The following GPR152 variants were observed in gnomAD, a reference collection of about 807,000 sequenced individuals.
The protein encoded by GPR152 is probable G protein-coupled receptor 152.
For synonymous variants in GPR152, 278 were observed against 289.0 expected (o/e 0.96, Z 0.39); for missense variants, 549 against 617.2 (o/e 0.89, Z 1.17).
Position 67,451,710 on chromosome 11 carries a change from G to A in GPR152, c.1015C>T (p.Pro339Ser). The change falls in exon 1 of 1, where the codon CCA becomes TCA. Residue 339 changes from proline (P) to serine (S), a missense_variant. Transcript: ENST00000312457. ...TCTGCCATCGGCTCTGGCAGAGTTGGACCCTCAGAATCTAGCTGGGTCTGT... is the reference window on the plus strand; with the variant it reads ...TCTGCCATCGGCTCTGGCAGAGTTGAACCCTCAGAATCTAGCTGGGTCTGT... ...EPQTQLDSEG[P>S]TLPEPMAEAQ... The A allele has an allele frequency of 6.2e-7, 1 of 1,613,826 alleles. No individual in the cohort carries two copies. Among genetic ancestry groups the A allele is most frequent in the Non-Finnish European group, 8.5e-7 (1 of 1,180,024 alleles).
In GPR152 at chr11:67,452,687, C is replaced by T; in HGVS notation, c.38G>A (p.Gly13Asp). 1 of 1,590,552 alleles carries T rather than the reference C, an allele frequency of 6.3e-7. No homozygotes were observed. Among genetic ancestry groups the T allele is most frequent in the Non-Finnish European group, 8.6e-7 (1 of 1,165,338 alleles). ...TTMEADLGAT[G>D]HRPRTELDDE... ...ATCAAGCTCTGTGCGGGGCCTGTGG[C>T]CAGTGGCACCCAGGTCAGCTTCCAT... is the stretch of plus-strand genomic sequence containing the variant. Residue 13 changes from glycine (G) to aspartate (D), a missense_variant, in exon 1 of 1, where the codon GGC becomes GAC. Coordinates refer to ENST00000312457, the MANE Select transcript of GPR152 (RefSeq NM_206997.1).
rs368998457 is a variant in GPR152, at chr11:67,452,205, C to A, written c.520G>T (p.Val174Phe). The A allele has an allele frequency of 6.2e-7, 1 of 1,608,348 alleles. No homozygotes were observed. Among genetic ancestry groups the A allele is most frequent in the South Asian group, 1.1e-5 (1 of 91,086 alleles). Residue 174 changes from valine (V) to phenylalanine (F), a missense_variant, in exon 1 of 1, where the codon GTC becomes TTC. Val to Phe is a conservative substitution (Grantham distance 50, BLOSUM62 -1). Transcript: ENST00000312457. ...VPWLVFPEAAVWWYDLVICLD... is the reference protein window; with the variant it reads ...VPWLVFPEAAFWWYDLVICLD... ...CAGATGACCAGGTCGTACCACCAGA[C>A]GGCAGCCTCGGGGAAGACCAGCCAG...
Position 67,451,419 on chromosome 11 carries a change from G to T in GPR152, c.1306C>A (p.His436Asn). ...CDEASPTPSS[H>N]PTPGALEDPA... ...TCCTCAAGGGCCCCTGGGGTAGGAT[G>T]CGAGGATGGGGTTGGGGAAGCTTCA... Residue 436 changes from histidine to asparagine, a missense_variant, in exon 1 of 1, where the codon CAT (histidine) becomes AAT (asparagine). Physicochemically the swap from His to Asn is moderately conservative, Grantham distance 68 (BLOSUM62 1). Coordinates refer to ENST00000312457, the MANE Select transcript of GPR152 (RefSeq NM_206997.1). The T allele has an allele frequency of 4.3e-6, 7 of 1,613,884 alleles. No homozygotes were observed. Among genetic ancestry groups the T allele is most frequent in the Non-Finnish European group, 5.1e-6 (6 of 1,179,902 alleles).
In GPR152 at chr11:67,452,036, G is replaced by T. The variant is rs771408908; in HGVS notation, c.689C>A (p.Ala230Glu). ...CRTCHRQQQP[A>E]ACRGFARVAR... ...CACACGGGCGAAGCCCCGGCAGGCT[G>T]CGGGCTGCTGTTGGCGGTGGCAGGT... The change falls in exon 1 of 1, where the codon GCA becomes GAA. Residue 230 changes from alanine (A) to glutamate (E), a missense_variant. Physicochemically the swap from Ala to Glu is moderately radical, Grantham distance 107. Coordinates refer to ENST00000312457, the MANE Select transcript of GPR152 (RefSeq NM_206997.1). 151 of 1,612,222 alleles carry T rather than the reference G, an allele frequency of 9.4e-5. 1 individual carries two copies. Among genetic ancestry groups the T allele is most frequent in the Admixed American group, 6.7e-5 (4 of 59,994 alleles).
At position 67,451,870 on chromosome 11, in the gene GPR152, T is replaced by G. The variant is rs749886072; in HGVS notation, c.855A>C (p.Leu285=). Residue 285 remains leucine (L), a synonymous_variant, in exon 1 of 1, where the codon CTA becomes CTC. Coordinates refer to ENST00000312457, the MANE Select transcript of GPR152 (RefSeq NM_206997.1). The stretch of plus-strand genomic sequence containing the variant: ...GGAAGGGGCTGAGGCAGCTGTTGAG[T>G]AGGATCAGGTAGTCGGAGTAGACCA... The part of the protein sequence containing the change: ...EALVYSDYLI[L]LNSCLSPFLC... 8 of 1,612,380 alleles carry G rather than the reference T, an allele frequency of 5.0e-6. No homozygotes were observed. In the Admixed American group the frequency reaches 1.2e-4, roughly 24 times the overall value.
At position 67,452,435 on chromosome 11, in the gene GPR152, C is replaced by T. The variant is rs533858336; in HGVS notation, c.290G>A (p.Trp97Ter). 1.2e-6 allele frequency: 2 copies of T among 1,612,670 alleles called. No homozygotes were observed. Among genetic ancestry groups the T allele is most frequent in the Admixed American group, 1.7e-5 (1 of 59,978 alleles). ...GCGGCAGGCAGCTGTCCCCAGCGGC[C>T]AGTGTCCCCCATGCCGGATCTCTAG... ...QILEIRHGGHWPLGTAACRFY... is the reference protein window; with the variant it reads ...QILEIRHGGH Residue 97 changes from tryptophan (W) to a stop codon, truncating the protein, a stop_gained, in exon 1 of 1, where the codon TGG (tryptophan) becomes TAG (stop). Coordinates refer to ENST00000312457, the MANE Select transcript of GPR152 (RefSeq NM_206997.1). LOFTEE classifies it low-confidence loss of function (END_TRUNC).
Position 67,451,949 on chromosome 11 carries a change from A to G in GPR152, c.776T>C (p.Leu259Pro). 1.2e-6 allele frequency: 2 copies of G among 1,610,462 alleles called. No homozygotes were observed. Among genetic ancestry groups the G allele is most frequent in the Non-Finnish European group, 1.7e-6 (2 of 1,179,992 alleles). The change falls in exon 1 of 1, where the codon CTC becomes CCC. Residue 259 changes from leucine (L) to proline (P), a missense_variant. Leu to Pro is a moderately conservative substitution (Grantham distance 98). Transcript: ENST00000312457. ...GACGTCCCACAGGAAGGCCAGGTAGAGCAGCTGGGCCAGCTGGTAGGGCAG... is the reference window on the plus strand; with the variant it reads ...GACGTCCCACAGGAAGGCCAGGTAGGGCAGCTGGGCCAGCTGGTAGGGCAG... ...LRLPYQLAQL[L>P]YLAFLWDVYS...
In GPR152 at chr11:67,451,944, G is replaced by C; in HGVS notation, c.781C>G (p.Leu261Val). 6.2e-7 allele frequency: 1 copy of C among 1,610,394 alleles called. No individual in the cohort carries two copies. ...LPYQLAQLLY[L>V]AFLWDVYSGY... ...GAGTAGACGTCCCACAGGAAGGCCA[G>C]GTAGAGCAGCTGGGCCAGCTGGTAG... is the stretch of plus-strand genomic sequence containing the variant. The change falls in exon 1 of 1, where the codon CTG becomes GTG. Residue 261 changes from leucine to valine, a missense_variant. Coordinates refer to ENST00000312457, the MANE Select transcript of GPR152 (RefSeq NM_206997.1).
In GPR152 at chr11:67,452,015, C is replaced by A; in HGVS notation, c.710G>T (p.Arg237Leu). ...QQPAACRGFA[R>L]VARTILSAYV... ...GGCTGACAGAATGGTCCTGGCCACA[C>A]GGGCGAAGCCCCGGCAGGCTGCGGG... The change falls in exon 1 of 1, where the codon CGT (arginine) becomes CTT (leucine). Residue 237 changes from arginine to leucine, a missense_variant. Arg to Leu is a moderately radical substitution (Grantham distance 102, BLOSUM62 -2). Transcript: ENST00000312457. 6.2e-7 allele frequency: 1 copy of A among 1,611,904 alleles called. No individual in the cohort carries two copies. The highest frequency in any genetic ancestry group is 1.7e-5 in the Admixed American group (1 of 60,022).
At position 67,451,763 on chromosome 11, in the gene GPR152, C is replaced by T. The variant is rs144597079; in HGVS notation, c.962G>A (p.Arg321Gln). The change falls in exon 1 of 1, where the codon CGG (arginine) becomes CAG (glutamine). Residue 321 changes from arginine (R) to glutamine (Q), a missense_variant. By Grantham distance (43) the Arg-to-Gln change is conservative. Transcript: ENST00000312457. Reference sequence around the variant, plus strand: ...CTCAGTGGGCGTGAAGCTGCCCGGCCGCTCCTCGCAGAGAGCTGCCGCGAA... The same window carrying T: ...CTCAGTGGGCGTGAAGCTGCCCGGCTGCTCCTCGCAGAGAGCTGCCGCGAA... ...SSFAAALCEE[R>Q]PGSFTPTEPQ... 2.8e-4 allele frequency: 455 copies of T among 1,613,294 alleles called. 3 individuals carry two copies. Among genetic ancestry groups the T allele is most frequent in the South Asian group, 1.7e-3 (151 of 91,080 alleles).
In GPR152 at chr11:67,452,598, C is replaced by G; in HGVS notation, c.127G>C (p.Gly43Arg). ...GCCATCAACCCATTGGCTGGCAGCC[C>G]AAGGAGCAGCAGGGCCACCAGGAAG... ...TVFLVALLLLGLPANGLMAWL... is the reference protein window; with the variant it reads ...TVFLVALLLLRLPANGLMAWL... Residue 43 changes from glycine to arginine, a missense_variant, in exon 1 of 1, where the codon GGG (glycine) becomes CGG (arginine). Transcript: ENST00000312457. 6.2e-7 allele frequency: 1 copy of G among 1,612,548 alleles called. No homozygotes were observed. The highest frequency in any genetic ancestry group is 8.5e-7 in the Non-Finnish European group (1 of 1,179,528).
Position 67,452,560 on chromosome 11 carries a change from G to C in GPR152, c.165C>G (p.Gly55=). 1 of 1,607,752 alleles carries C rather than the reference G, an allele frequency of 6.2e-7. No individual in the cohort carries two copies. The highest frequency in any genetic ancestry group is 1.1e-5 in the South Asian group (1 of 90,400). ...PANGLMAWLA[G]SQARHGAGTR... is the part of the protein sequence containing the mutation. ...TGCCAGCTCCATGCCGGGCCTGGGA[G>C]CCGGCCAGCCACGCCATCAACCCAT... Residue 55 remains glycine (G), a synonymous_variant, in exon 1 of 1, where the codon GGC becomes GGG. Coordinates refer to ENST00000312457, the MANE Select transcript of GPR152 (RefSeq NM_206997.1).
rs1273251291 is a variant in GPR152, at chr11:67,452,096, A to G, written c.629T>C (p.Val210Ala). ...GGFLPFLLLL[V>A]CHVLTQATAC... ...TGTGGCCTGGGTGAGCACGTGGCAG[A>G]CGAGCAGCAGGAGGAAAGGCAGGAA... Residue 210 changes from valine (V) to alanine (A), a missense_variant, in exon 1 of 1, where the codon GTC (valine) becomes GCC (alanine). Val to Ala is a moderately conservative substitution (Grantham distance 64). Transcript: ENST00000312457. 4 of 1,611,922 alleles carry G rather than the reference A, an allele frequency of 2.5e-6. No homozygotes were observed. Among genetic ancestry groups the G allele is most frequent in the Non-Finnish European group, 3.4e-6 (4 of 1,179,832 alleles).
rs149449299 is a variant in GPR152 at position 67,451,337 on chromosome 11, G to A, written c.1388C>T (p.Ala463Val). 290 of 1,586,772 alleles carry A rather than the reference G, an allele frequency of 1.8e-4. No homozygotes were observed. In the African/African-American group the frequency reaches 3.3e-3, roughly 18 times the overall value. ...TCACGTGGGGCCTGCGCCCGGGGCC[G>A]CCTCTGGCGGGGTGCTGCTGGGGCT... ...GESPSSTPPEAAPGAGPT is the reference protein window; with the variant it reads ...GESPSSTPPEVAPGAGPT The change falls in exon 1 of 1, where the codon GCG becomes GTG. Residue 463 changes from alanine to valine, a missense_variant. Transcript: ENST00000312457.
Position 67,452,274 on chromosome 11 carries a change from C to T in GPR152, c.451G>A (p.Val151Ile), listed in dbSNP as rs371602409. 6.2e-7 allele frequency: 1 copy of T among 1,611,230 alleles called. No individual in the cohort carries two copies. Among genetic ancestry groups the T allele is most frequent in the African/African-American group, 1.3e-5 (1 of 74,934 alleles). The change falls in exon 1 of 1, where the codon GTC (valine) becomes ATC (isoleucine). Residue 151 changes from valine (V) to isoleucine (I), a missense_variant. Val to Ile is a conservative substitution (Grantham distance 29, BLOSUM62 3). Coordinates refer to ENST00000312457, the MANE Select transcript of GPR152 (RefSeq NM_206997.1). Reference protein sequence around the residue: ...GHRPVRLPLWVCAGVWVLATL... With the variant: ...GHRPVRLPLWICAGVWVLATL... Reference sequence around the variant, plus strand: ...GCCAGCACCCAGACACCGGCGCAGACCCAGAGGGGCAGGCGGACTGGGCGG... The same window carrying T: ...GCCAGCACCCAGACACCGGCGCAGATCCAGAGGGGCAGGCGGACTGGGCGG...
chr11:67,451,473 C>G lies in GPR152; in HGVS notation c.1252G>C (p.Ala418Pro). The change falls in exon 1 of 1, where the codon GCT (alanine) becomes CCT (proline). Residue 418 changes from alanine to proline, a missense_variant. Ala to Pro is a conservative substitution (Grantham distance 27). Transcript: ENST00000312457. The stretch of plus-strand genomic sequence containing the variant: ...CAGGGACTGGGCACAGAACTGGCAG[C>G]AGGTGCAGGGGTCTGGACGTTAGTG... Reference protein sequence around the residue: ...ADTNVQTPAPAASSVPSPCDE... With the variant: ...ADTNVQTPAPPASSVPSPCDE... 6.2e-7 allele frequency: 1 copy of G among 1,614,150 alleles called. No individual in the cohort carries two copies. The highest frequency in any genetic ancestry group is 1.1e-5 in the South Asian group (1 of 91,086).
In GPR152 at chr11:67,451,326, C is replaced by T. The variant is rs199976078; in HGVS notation, c.1399G>A (p.Ala467Thr). Residue 467 changes from alanine to threonine, a missense_variant, in exon 1 of 1, where the codon GCA becomes ACA. By Grantham distance (58) the Ala-to-Thr change is moderately conservative. Coordinates refer to ENST00000312457, the MANE Select transcript of GPR152 (RefSeq NM_206997.1). ...SSTPPEAAPG[A>T]GPT Reference sequence around the variant, plus strand: ...TTCCTGGACCCTCACGTGGGGCCTGCGCCCGGGGCCGCCTCTGGCGGGGTG... The same window carrying T: ...TTCCTGGACCCTCACGTGGGGCCTGTGCCCGGGGCCGCCTCTGGCGGGGTG... 2.6e-4 allele frequency: 409 copies of T among 1,571,786 alleles called. 5 individuals carry two copies. In the East Asian group the frequency reaches 5.4e-3, roughly 21 times the overall value.
Position 67,451,534 on chromosome 11 carries a change from C to A in GPR152, c.1191G>T (p.Gln397His). 6.2e-7 allele frequency: 1 copy of A among 1,613,968 alleles called. No homozygotes were observed. The highest frequency in any genetic ancestry group is 8.5e-7 in the Non-Finnish European group (1 of 1,179,950). ...TAQPQLNLMA[Q>H]PQSDSVAQPQ... is the part of the protein sequence containing the mutation. ...GCTGGGCCACAGAATCTGACTGTGG[C>A]TGGGCCATGAGGTTCAGCTGTGGCT... Residue 397 changes from glutamine (Q) to histidine (H), a missense_variant, in exon 1 of 1, where the codon CAG becomes CAT. Physicochemically the swap from Gln to His is conservative, Grantham distance 24. Transcript: ENST00000312457.
rs994064657 is a variant in GPR152 at position 67,452,235 on chromosome 11, C to T, written c.490G>A (p.Val164Met). 26 of 1,609,280 alleles carry T rather than the reference C, an allele frequency of 1.6e-5. No individual in the cohort carries two copies. The highest frequency in any genetic ancestry group is 1.6e-4 in the Middle Eastern group (1 of 6,084). The change falls in exon 1 of 1, where the codon GTG becomes ATG. Residue 164 changes from valine to methionine, a missense_variant. Physicochemically the swap from Val to Met is conservative, Grantham distance 21 (BLOSUM62 1). Transcript: ENST00000312457. ...GVWVLATLFSVPWLVFPEAAV... is the reference protein window; with the variant it reads ...GVWVLATLFSMPWLVFPEAAV... ...GCCTCGGGGAAGACCAGCCAGGGCA[C>T]GCTGAAGAGTGTGGCCAGCACCCAG...
Sources: allele counts gnomAD v4.1 joint callset, GRCh38; gene constraint gnomAD v4.1.1; transcripts MANE v1.5; gene names NCBI Gene and HGNC (gene_info 2026-07-23, HGNC 2026-07-21).